The following SLC43A1 variants were observed in gnomAD, a reference collection of about 807,000 sequenced individuals.
The protein encoded by SLC43A1 is solute carrier family 43 member 1.
Under a neutral mutation model 59.5 loss-of-function variants are expected in SLC43A1, and 31 were observed. The observed-to-expected ratio is 0.52, with a 90% confidence interval of 0.39 to 0.70. The LOEUF is 0.70. Among genes scored for constraint, SLC43A1 ranks in the 30% least tolerant of loss-of-function variants. The probability of loss-of-function intolerance (pLI) is 0.00; values close to 1 mark genes in which losing one functional copy is unlikely to be tolerated. For missense variants in SLC43A1, 598 were observed against 717.8 expected, an observed-to-expected ratio of 0.83 and a Z score of 1.91; for synonymous variants, 259 against 290.9, an observed-to-expected ratio of 0.89 and a Z score of 1.12.
At chr11:57,510,769 G>T (rs531252045) in intron 2 of SLC43A1, among the ~76,000 whole-genome samples, 45 of 152,080 alleles carry the variant, frequency 3.0e-4, no homozygotes, top group Admixed American at 2.9e-3. Flanking sequence ...GAGGGGGGTG[G>T]ATCACCTGAG....
chr11:57,494,424 G>A, intron 7 of SLC43A1: 1 of 479,766 alleles, frequency 2.1e-6, no homozygotes, highest in Non-Finnish European at 3.6e-6. Flanking sequence ...GGAGGAGGCA[G>A]CATTAACACC....
rs376880764 is a variant in SLC43A1 at position 57,500,795 on chromosome 11, G to A, written c.449C>T (p.Thr150Met). ...GACACTCACCGTGAGTGAAGTGAAC[G>A]TTAGGCAGATGCCACCAAAGCCATT... ...SLNGFGGICL[T>M]FTSLTLPNMF... is the part of the protein sequence containing the mutation. Residue 150 changes from threonine to methionine, a missense_variant, in exon 5 of 15, where the codon ACG becomes ATG. Transcript: ENST00000278426. 8 of 1,614,174 alleles carry A rather than the reference G, an allele frequency of 5.0e-6. No homozygotes were observed. Among genetic ancestry groups the A allele is most frequent in the Admixed American group, 1.7e-5 (1 of 60,026 alleles).
Position 57,494,037 on chromosome 11 carries a change from A to G in SLC43A1, c.827T>C (p.Met276Thr), listed in dbSNP as rs1418959678. The G allele has an allele frequency of 6.2e-7, 1 of 1,608,692 alleles. No individual in the cohort carries two copies. The highest frequency in any genetic ancestry group is 1.7e-5 in the Admixed American group (1 of 58,886). The change falls in exon 8 of 15, where the codon ATG becomes ACG. Residue 276 changes from methionine to threonine, a missense_variant. Transcript: ENST00000278426. ...PSLEDGSDAF[M>T]SPQDVRGTSE... ...GGTGCCCCGAACATCCTGGGGTGAC[A>G]TGAAGGCATCCGAACCGTCCTCCAG...
chr11:57,499,148 CCCCGT>C (rs1944176182), intron 5 of SLC43A1, among the ~76,000 whole-genome samples: 1 of 152,094 alleles, frequency 6.6e-6, no homozygotes, highest in Non-Finnish European at 1.5e-5. Context: ...CACGGTGAAA[CCCCGT>C]CTCCACTAAA....
At chr11:57,497,878 G>A in intron 5 of SLC43A1, 33 bp from the exon 6 acceptor site, 1 of 1,549,586 alleles carries the variant, frequency 6.5e-7, no homozygotes, top group South Asian at 1.1e-5. Flanking sequence ...ATGAGGTGGG[G>A]ACACCGTGAC....
At chr11:57,503,599 A>G (rs1944322003) in intron 2 of SLC43A1, among the ~76,000 whole-genome samples, 1 of 152,220 alleles carries the variant, frequency 6.6e-6, no homozygotes, top group Non-Finnish European at 1.5e-5. Context: ...CTGAGATTAC[A>G]GACATGAGCA....
intron 8 of SLC43A1, among the ~76,000 whole-genome samples, chr11:57,493,268 T>A (rs1419969029): frequency 6.6e-6 from 1 of 152,154 alleles, no homozygotes; most frequent in Non-Finnish European, 1.5e-5. Context: ...CATGTTGCCC[T>A]CTGAGAATCG....
At chr11:57,501,464 C>T (rs2135195306) in intron 2 of SLC43A1, 135 bp from the exon 3 acceptor site, 1 of 807,282 alleles carries the variant, frequency 1.2e-6, no homozygotes, top group East Asian at 2.7e-5. Context: ...AGTCACATCT[C>T]CTCTGATGGG....
At chr11:57,494,254 G>A in intron 7 of SLC43A1, 83 bp from the exon 8 acceptor site, 1 of 1,291,768 alleles carries the variant, frequency 7.7e-7, no homozygotes, top group South Asian at 1.3e-5. Flanking sequence ...GGCCATCCCA[G>A]CGGTTTCCAG....
intron 8 of SLC43A1, among the ~76,000 whole-genome samples, chr11:57,493,277 C>T (rs751238519): frequency 4.6e-5 from 7 of 152,144 alleles, no homozygotes; most frequent in Non-Finnish European, 8.8e-5. Flanking sequence ...CTCTGAGAAT[C>T]GGCACTGGGG....
Position 57,491,350 on chromosome 11 carries a change from G to A in SLC43A1, c.1067C>T (p.Ser356Phe), listed in dbSNP as rs774852291. The change falls in exon 11 of 15, where the codon TCC becomes TTC. Residue 356 changes from serine to phenylalanine, a missense_variant. Physicochemically the swap from Ser to Phe is radical, Grantham distance 155 (BLOSUM62 -2). Transcript: ENST00000278426. ...QKVAETVGFY[S>F]SVFGAMQLLC... ...CAGCTGCATGGCCCCGAAGACGGAG[G>A]AGTAGAACCCAACTGGGCAGGATGG... is the stretch of plus-strand genomic sequence containing the variant. 3 of 1,597,736 alleles carry A rather than the reference G, an allele frequency of 1.9e-6. No homozygotes were observed. Among genetic ancestry groups the A allele is most frequent in the Non-Finnish European group, 1.7e-6 (2 of 1,171,512 alleles).
At chr11:57,491,202 C>A in intron 11 of SLC43A1, 22 bp downstream of exon 11, 1 of 1,511,000 alleles carries the variant, frequency 6.6e-7, no homozygotes, top group South Asian at 1.3e-5. Context: ...TTGCTGTCAC[C>A]ATCCCTGTAC....
intron 2 of SLC43A1, 58 bp from the exon 3 acceptor site, chr11:57,501,387 G>A: frequency 6.4e-7 from 1 of 1,573,702 alleles, no homozygotes; most frequent in South Asian, 1.1e-5. Context: ...GGGCACAGGA[G>A]ACAGCAGCCC....
At chr11:57,490,708 TCTGA>T (rs1302743699) in intron 11 of SLC43A1, among the ~76,000 whole-genome samples, 1 of 152,238 alleles carries the variant, frequency 6.6e-6, no homozygotes, top group Non-Finnish European at 1.5e-5. Flanking sequence ...CTCCCTGATT[TCTGA>T]CTGTCAGAAA....
intron 5 of SLC43A1, among the ~76,000 whole-genome samples, chr11:57,499,023 T>C (rs1297920094): frequency 2.0e-5 from 3 of 152,036 alleles, no homozygotes; most frequent in Non-Finnish European, 2.9e-5. Context: ...TCAACAGCTC[T>C]GGTAAAAAAG....
intron 14 of SLC43A1, among the ~76,000 whole-genome samples, chr11:57,485,915 G>A (rs936922025): frequency 1.3e-5 from 2 of 152,272 alleles, no homozygotes; most frequent in Admixed American, 6.5e-5. Context: ...GAGGGTTTAC[G>A]TGTGGGTGGC....
intron 4 of SLC43A1, 25 bp downstream of exon 4, chr11:57,500,963 G>A: frequency 6.3e-7 from 1 of 1,595,670 alleles, no homozygotes; most frequent in Admixed American, 1.8e-5. Flanking sequence ...TTTCTTGTGG[G>A]GCCACAAGAG....
At chr11:57,513,628 T>C (rs1030804306) in intron 2 of SLC43A1, among the ~76,000 whole-genome samples, 1 of 152,228 alleles carries the variant, frequency 6.6e-6, no homozygotes, top group Non-Finnish European at 1.5e-5. Context: ...CCTTGTCTTA[T>C]GATAGCCCTA....
At chr11:57,497,645 G>C (rs1944125165) in intron 6 of SLC43A1, 108 bp downstream of exon 6, 1 of 734,316 alleles carries the variant, frequency 1.4e-6, no homozygotes, top group Admixed American at 2.5e-5. Context: ...TGATGACAGA[G>C]AAAGGAGAGC....
Sources: gnomAD v4.1 joint callset for allele counts (sites outside exome capture counted in the v4.1 genomes callset) on GRCh38, gnomAD v4.1.1 for gene constraint, MANE v1.5 for transcripts, NCBI Gene and HGNC (gene_info 2026-07-23, HGNC 2026-07-21) for gene names.